SORCS3: variants seen among roughly 807,000 people sequenced by gnomAD.
SORCS3 encodes the protein VPS10 domain-containing receptor SorCS3.
SORCS3 carries 57 observed loss-of-function variants against 146.3 expected under a neutral mutation model. The ratio of observed to expected loss-of-function variants is 0.39; its 90% CI spans 0.31 to 0.49. SORCS3 has a LOEUF of 0.49. Ranked by LOEUF, SORCS3 falls within the 20% of genes least tolerant of loss-of-function variation. The pLI is 0.92. For synonymous variants in SORCS3, 653 were observed against 618.5 expected (o/e 1.06, Z -0.83); for missense variants, 1,341 against 1,575.5 (o/e 0.85, Z 2.52).
At chr10:105,023,873 A>G (rs1589598659) in intron 4 of SORCS3, among the ~76,000 whole-genome samples, 1 of 152,176 alleles carries the variant, frequency 6.6e-6, no homozygotes, top group East Asian at 1.9e-4. Context: ...TGAACTCTGG[A>G]TAGGGATAGG....
chr10:105,202,848 G>C (rs1023746752), intron 16 of SORCS3, among the ~76,000 whole-genome samples: 3 of 152,192 alleles, frequency 2.0e-5, no homozygotes, highest in Non-Finnish European at 4.4e-5. Context: ...AGTTCAATTT[G>C]ATTATTTTGG....
At chr10:105,060,392 AG>A (rs1466185167) in intron 5 of SORCS3, among the ~76,000 whole-genome samples, 1 of 152,198 alleles carries the variant, frequency 6.6e-6, no homozygotes, top group Non-Finnish European at 1.5e-5. Flanking sequence ...GATAACTTAG[AG>A]GCTTTAAATG....
chr10:104,830,692 A>T (rs966427679), intron 1 of SORCS3, among the ~76,000 whole-genome samples: 1 of 152,222 alleles, frequency 6.6e-6, no homozygotes, highest in Non-Finnish European at 1.5e-5. Flanking sequence ...CCTGCCATAC[A>T]TAGGCAGGAT....
intron 14 of SORCS3, among the ~76,000 whole-genome samples, chr10:105,192,329 C>T (rs1281507946): frequency 6.6e-6 from 1 of 151,990 alleles, no homozygotes; most frequent in Non-Finnish European, 1.5e-5. Flanking sequence ...TTGGACAAGA[C>T]AAGGTGTGGG....
chr10:104,729,962 C>A (rs1215000493), intron 1 of SORCS3, among the ~76,000 whole-genome samples: 1 of 152,216 alleles, frequency 6.6e-6, no homozygotes, highest in Non-Finnish European at 1.5e-5. Flanking sequence ...GCCAAGAGAA[C>A]TTGACCTTAT....
intron 1 of SORCS3, among the ~76,000 whole-genome samples, chr10:104,669,221 T>C (rs150930266): frequency 2.6e-5 from 4 of 152,376 alleles, no homozygotes; most frequent in African/African-American, 9.6e-5. Context: ...AAACATTTAT[T>C]ATTTTTATTG....
chr10:105,072,951 C>T (rs572554639), intron 5 of SORCS3, among the ~76,000 whole-genome samples: 9 of 152,196 alleles, frequency 5.9e-5, no homozygotes, highest in African/African-American at 1.9e-4. Flanking sequence ...CATAACCCTG[C>T]GAGGTAAATA....
chr10:104,694,903 G>T (rs2016156322), intron 1 of SORCS3, among the ~76,000 whole-genome samples: 1 of 152,182 alleles, frequency 6.6e-6, no homozygotes, highest in Non-Finnish European at 1.5e-5. Flanking sequence ...TAGGTCCTCT[G>T]AAAATGTAGG....
At chr10:104,992,182 C>G (rs921130270) in intron 4 of SORCS3, among the ~76,000 whole-genome samples, 2 of 152,084 alleles carry the variant, frequency 1.3e-5, no homozygotes, top group Admixed American at 6.5e-5. Context: ...GAGATGGAAA[C>G]CAGATCCATG....
At chr10:104,706,350 A>G (rs1041708717) in intron 1 of SORCS3, among the ~76,000 whole-genome samples, 1 of 151,054 alleles carries the variant, frequency 6.6e-6, no homozygotes, top group Non-Finnish European at 1.5e-5. Context: ...TGGGGACTAC[A>G]GGCGTGCACC....
intron 16 of SORCS3, among the ~76,000 whole-genome samples, chr10:105,209,297 T>A (rs1490808440): frequency 2.0e-5 from 3 of 151,996 alleles, no homozygotes; most frequent in Admixed American, 2.0e-4. Context: ...CCTGCCACCA[T>A]GCCTGGTGAA....
intron 3 of SORCS3, among the ~76,000 whole-genome samples, chr10:104,933,371 A>C (rs763051995): frequency 3.3e-5 from 5 of 151,896 alleles, no homozygotes; most frequent in Non-Finnish European, 5.9e-5. Flanking sequence ...ACCCAGACAG[A>C]CAGTAAAATG....
intron 1 of SORCS3, among the ~76,000 whole-genome samples, chr10:104,789,644 G>A (rs2017474324): frequency 6.6e-6 from 1 of 152,182 alleles, no homozygotes; most frequent in Non-Finnish European, 1.5e-5. Context: ...AAAAGTAAAT[G>A]AATGGATGAA....
At chr10:104,885,218 T>C (rs889284627) in intron 2 of SORCS3, among the ~76,000 whole-genome samples, 6 of 152,286 alleles carry the variant, frequency 3.9e-5, no homozygotes, top group African/African-American at 1.4e-4. Flanking sequence ...GGTGGAACAC[T>C]GATGCCTCTG....
chr10:105,198,192 G>C (rs1379232424), intron 14 of SORCS3, among the ~76,000 whole-genome samples: 2 of 152,152 alleles, frequency 1.3e-5, no homozygotes, highest in East Asian at 1.9e-4. Flanking sequence ...TGATTAATCT[G>C]ACATGACGTT....
chr10:104,985,549 A>G (rs1273646823), intron 4 of SORCS3, among the ~76,000 whole-genome samples: 1 of 152,224 alleles, frequency 6.6e-6, no homozygotes, highest in Non-Finnish European at 1.5e-5. Flanking sequence ...GGCATCTAGA[A>G]TGATGAATGC....
chr10:105,018,931 C>T (rs1448921446), intron 4 of SORCS3, among the ~76,000 whole-genome samples: 1 of 152,150 alleles, frequency 6.6e-6, no homozygotes, highest in Non-Finnish European at 1.5e-5. Context: ...CTAGTTGTAT[C>T]AATGCTCCAT....
chr10:104,916,026 A>G (rs1215864130), intron 3 of SORCS3, 94 bp downstream of exon 3: 8 of 904,634 alleles, frequency 8.8e-6, no homozygotes, highest in Non-Finnish European at 1.3e-5. Flanking sequence ...TTGTCATTGA[A>G]TCATTTACAG....
chr10:105,080,847 A>G (rs528581148), intron 5 of SORCS3, among the ~76,000 whole-genome samples: 55 of 152,334 alleles, frequency 3.6e-4, no homozygotes, highest in African/African-American at 1.3e-3. Context: ...GAGCATGGAA[A>G]TGAGGCCACA....
Sources: allele counts gnomAD v4.1 joint callset (sites outside exome capture counted in the v4.1 genomes callset), GRCh38; gene constraint gnomAD v4.1.1; transcripts MANE v1.5; gene names NCBI Gene and HGNC (gene_info 2026-07-23, HGNC 2026-07-21).